MED12L: variants seen among roughly 807,000 people sequenced by gnomAD.
MED12L encodes mediator complex subunit 12L.
In MED12L, 60 loss-of-function variants were observed where a neutral mutation model predicts 281.3. That is an observed-to-expected ratio of 0.21 (90% CI 0.17 to 0.26). The LOEUF (loss-of-function observed/expected upper bound fraction) is 0.26, where lower values mean the gene tolerates loss of function less well. MED12L is among the 10% of genes least tolerant of loss of function. The probability of loss-of-function intolerance (pLI) is 1.00; values close to 1 mark genes in which losing one functional copy is unlikely to be tolerated. For synonymous variants in MED12L, 974 were observed against 987.2 expected, an observed-to-expected ratio of 0.99 and a Z score of 0.25; for missense variants, 2,146 against 2,680.9, an observed-to-expected ratio of 0.80 and a Z score of 4.41.
Position 151,165,934 on chromosome 3 carries a change from A to G in MED12L, c.1446A>G (p.Thr482=), listed in dbSNP as rs771040961. ...CTGATTCCAGCAATTCCATGGAGACACTTTATCATAAGATTTTCTGGGCAA... is the reference window on the plus strand; with the variant it reads ...CTGATTCCAGCAATTCCATGGAGACGCTTTATCATAAGATTTTCTGGGCAA... ...DRTDSSNSME[T]LYHKIFWANQ... is the part of the protein sequence containing the mutation. Residue 482 remains threonine, a synonymous_variant, in exon 11 of 45, where the codon ACA becomes ACG. Coordinates refer to ENST00000687756, the MANE Select transcript of MED12L (RefSeq NM_001393769.1). 3 of 1,613,906 alleles carry G rather than the reference A, an allele frequency of 1.9e-6. No individual in the cohort carries two copies. The highest frequency in any genetic ancestry group is 1.3e-5 in the African/African-American group (1 of 75,048).
intron 16 of MED12L, among the ~76,000 whole-genome samples, chr3:151,239,168 A>T (rs1488695137): frequency 6.6e-6 from 1 of 152,236 alleles, no homozygotes; most frequent in Non-Finnish European, 1.5e-5. Context: ...TTTCTGCATG[A>T]ATGTATTTTA....
chr3:151,417,487 C>CCCCCCCT (rs1717736742), intron 43 of MED12L, among the ~76,000 whole-genome samples: 9 of 78,816 alleles, frequency 1.1e-4, no homozygotes, highest in South Asian at 5.8e-4. Flanking sequence ...CCCCCCCCGC[C>CCCCCCCT]TTTTTTTTTT....
intron 33 of MED12L, among the ~76,000 whole-genome samples, chr3:151,383,090 A>C (rs1712690784): frequency 6.6e-6 from 1 of 152,242 alleles, no homozygotes. Flanking sequence ...ACCATTTAAA[A>C]AGTCTTTTAA....
chr3:151,360,375 T>C, intron 20 of MED12L, 99 bp from the exon 21 acceptor site: 1 of 1,102,148 alleles, frequency 9.1e-7, no homozygotes, highest in Non-Finnish European at 1.3e-6. Flanking sequence ...ATATCCTTTT[T>C]CTTACCCAAG....
At chr3:151,199,381 T>G (rs1312529423) in intron 16 of MED12L, 33 of 1,603,666 alleles carry the variant, frequency 2.1e-5, no homozygotes, top group Non-Finnish European at 2.8e-5. Flanking sequence ...ACGAACTGTT[T>G]GTCATCTTGA....
chr3:151,389,927 A>T, intron 37 of MED12L, 52 bp from the exon 38 acceptor site: 8 of 1,575,062 alleles, frequency 5.1e-6, no homozygotes, highest in Non-Finnish European at 6.1e-6. Flanking sequence ...TGCATTAATT[A>T]GCTGTGTGAT....
chr3:151,164,815 A>C (rs756102459), intron 9 of MED12L, among the ~76,000 whole-genome samples: 2 of 151,936 alleles, frequency 1.3e-5, no homozygotes, highest in Admixed American at 6.5e-5. Context: ...GAACACATGG[A>C]CACAGGAAGG....
chr3:151,376,159 A>G lies in MED12L; in HGVS notation c.3998A>G (p.Lys1333Arg), dbSNP rs746745695. 13 of 1,609,164 alleles carry G rather than the reference A, an allele frequency of 8.1e-6. No homozygotes were observed. The Admixed American group carries it at 2.2e-4, about 27-fold the overall frequency. Residue 1333 changes from lysine (K) to arginine (R), a missense_variant, in exon 28 of 45, where the codon AAA becomes AGA. This residue lies in a region of MED12L where 235 missense variants were observed against 260.3 expected (regional missense o/e 0.90). Transcript: ENST00000687756. The stretch of plus-strand genomic sequence containing the variant: ...CTTATCTGTTATCCTCATGGCATTA[A>G]AGAATGTACCGAGGGGGACAATCTG... ...LQLICYPHGI[K>R]ECTEGDNLQR... is the part of the protein sequence containing the mutation.
At chr3:151,225,937 G>T (rs1054393929) in intron 16 of MED12L, among the ~76,000 whole-genome samples, 2 of 152,094 alleles carry the variant, frequency 1.3e-5, no homozygotes, top group Non-Finnish European at 2.9e-5. Flanking sequence ...AAAGTACATT[G>T]TAACCTTTGG....
At chr3:151,382,956 A>AT (rs1306104303) in intron 33 of MED12L, among the ~76,000 whole-genome samples, 1 of 152,132 alleles carries the variant, frequency 6.6e-6, no homozygotes, top group African/African-American at 2.4e-5. Flanking sequence ...AGTGCTAGGT[A>AT]TTTTAAGCAT....
At chr3:151,368,815 A>G (rs1560088346) in intron 25 of MED12L, among the ~76,000 whole-genome samples, 1 of 144,618 alleles carries the variant, frequency 6.9e-6, no homozygotes, top group African/African-American at 2.6e-5. Context: ...AGGCTGGAGT[A>G]CAGTGGTGTG....
At chr3:151,338,728 G>T (rs1439180705) in intron 16 of MED12L, 8 of 1,612,936 alleles carry the variant, frequency 5.0e-6, no homozygotes, top group Non-Finnish European at 5.9e-6. Context: ...TTTGTGATAA[G>T]TCCAACAAAA....
In MED12L at chr3:151,192,633, T is replaced by C. The variant is rs1016685515; in HGVS notation, c.2052T>C (p.Thr684=). 4.5e-5 allele frequency: 69 copies of C among 1,535,998 alleles called. No individual in the cohort carries two copies. In the East Asian group the frequency reaches 1.6e-3, roughly 36 times the overall value. ...AAGTAGACAAGAGTGACTTTAAAAC[T>C]GACTTTGGTTCGGAATTTCCAGTAG... The part of the protein sequence containing the change: ...FDEVDKSDFK[T]DFGSEFPIFS... The change falls in exon 15 of 45, where the codon ACT becomes ACC. Residue 684 remains threonine (T), a synonymous_variant. Transcript: ENST00000687756.
chr3:151,275,427 C>T (rs1014385047), intron 16 of MED12L, among the ~76,000 whole-genome samples: 1 of 152,090 alleles, frequency 6.6e-6, no homozygotes, highest in African/African-American at 2.4e-5. Context: ...TTTTCAAAAA[C>T]AACAGATGGG....
chr3:151,127,788 G>A (rs752582195), intron 4 of MED12L, 37 bp from the exon 5 acceptor site: 10 of 1,459,354 alleles, frequency 6.9e-6, no homozygotes, highest in East Asian at 2.3e-5. Flanking sequence ...AACACAGTAC[G>A]TGATTATTAT....
rs374826952 is a variant in MED12L, at chr3:151,379,680, C to G, written c.4479-433C>G. ...ACAAAATCAAACCCCAAAACAAGCTCAACAGACATATATATAGGCCTGTTT... is the reference window on the plus strand; with the variant it reads ...ACAAAATCAAACCCCAAAACAAGCTGAACAGACATATATATAGGCCTGTTT... On this transcript the variant is annotated intron_variant, in intron 31 of 44. Transcript: ENST00000687756. 1.2e-4 allele frequency among the ~76,000 whole-genome samples: 18 copies of G among 152,232 alleles called. No homozygotes were observed. The East Asian group carries it at 3.5e-3, about 29-fold the overall frequency.
intron 8 of MED12L, 131 bp from the exon 9 acceptor site, chr3:151,163,760 GAC>G: frequency 1.2e-6 from 1 of 834,580 alleles, no homozygotes; most frequent in Non-Finnish European, 1.8e-6. Flanking sequence ...AATGGGGTAA[GAC>G]ACTCTCGTAT....
At chr3:151,105,868 T>C (rs982952530) in intron 2 of MED12L, among the ~76,000 whole-genome samples, 7 of 152,180 alleles carry the variant, frequency 4.6e-5, no homozygotes, top group African/African-American at 1.4e-4. Flanking sequence ...GAACTTGTGA[T>C]CTGCTCCCCT....
intron 16 of MED12L, among the ~76,000 whole-genome samples, chr3:151,282,975 G>T (rs1487240408): frequency 6.6e-6 from 1 of 152,182 alleles, no homozygotes; most frequent in Non-Finnish European, 1.5e-5. Context: ...TAAGATGTGA[G>T]ATAAGTCACC....
Sources: gnomAD v4.1 joint callset for allele counts (sites outside exome capture counted in the v4.1 genomes callset) on GRCh38, gnomAD v4.1.1 for gene constraint, gnomAD v4.1.1 regional missense constraint, MANE v1.5 for transcripts, NCBI Gene and HGNC (gene_info 2026-07-23, HGNC 2026-07-21) for gene names.